The following BCAR3 variants were observed in gnomAD, a reference collection of about 807,000 sequenced individuals.
BCAR3 encodes breast cancer anti-estrogen resistance protein 3.
BCAR3 carries 37 observed loss-of-function variants against 80.1 expected under a neutral mutation model. The observed-to-expected ratio is 0.46, with a 90% CI of 0.36 to 0.61. The LOEUF is 0.61. Among genes scored for constraint, BCAR3 ranks in the 20% least tolerant of loss-of-function variants. The probability of loss-of-function intolerance (pLI) is 0.00; values close to 1 mark genes in which losing one functional copy is unlikely to be tolerated. For synonymous variants in BCAR3, 389 were observed against 418.9 expected (o/e 0.93, Z 0.87); for missense variants, 978 against 1,068.2 (o/e 0.92, Z 1.18).
At position 93,586,173 on chromosome 1, in the gene BCAR3, TC is replaced by T. The variant is rs896304866; in HGVS notation, c.930-2053del. ...CTAAATTTTTTGTACCCATTAACCA[TC>T]CCCACCTCCCTCCCATCCCCTACTC... On this transcript the variant is annotated intron_variant, in intron 5 of 11. Transcript: ENST00000260502. The surrounding 1 kb of genome is among the most constrained non-coding windows in gnomAD (Gnocchi z 4.2). Among the ~76,000 whole-genome samples, 1 of 152,078 alleles carries T rather than the reference TC, an allele frequency of 6.6e-6. No homozygotes were observed. The highest frequency in any genetic ancestry group is 1.5e-5 in the Non-Finnish European group (1 of 67,992).
At chr1:93,727,960 G>A (rs183773642) in intron 2 of BCAR3, among the ~76,000 whole-genome samples, 372 of 152,308 alleles carry the variant, frequency 2.4e-3, no homozygotes, top group African/African-American at 8.1e-3. Flanking sequence ...AACAGACACA[G>A]GGGAGAAAGC....
In BCAR3 at chr1:93,787,373, G is replaced by C. The variant is rs375249604; in HGVS notation, c.-63+58194C>G. Among the ~76,000 whole-genome samples, 40 of 152,244 alleles carry C rather than the reference G, an allele frequency of 2.6e-4. 3 individuals carry two copies. Among genetic ancestry groups the C allele is most frequent in the Admixed American group, 1.2e-3 (19 of 15,298 alleles). Reference sequence around the variant, plus strand: ...CTGGGTTTGGGTTTGGTTTGTTCTTGTTTCTCTAGTTCCTTAAGGTGTGAC... The same window carrying C: ...CTGGGTTTGGGTTTGGTTTGTTCTTCTTTCTCTAGTTCCTTAAGGTGTGAC... On this transcript the variant is annotated intron_variant, in intron 2 of 13. Coordinates refer to the BCAR3 transcript ENST00000370244.
chr1:93,809,773 GATAAAAAAA>G (rs1247399251), intron 2 of BCAR3, among the ~76,000 whole-genome samples: 5 of 46,982 alleles, frequency 1.1e-4, no homozygotes, highest in African/African-American at 4.0e-4. Context: ...GTCTCAAAAA[GATAAAAAAA>G]AAAAAAAAAA....
At chr1:93,654,972 G>A (rs1647302442) in intron 2 of BCAR3, among the ~76,000 whole-genome samples, 2 of 152,318 alleles carry the variant, frequency 1.3e-5, no homozygotes, top group East Asian at 3.9e-4. Flanking sequence ...ACCCTCCAAG[G>A]GTGAGGCTTT....
At chr1:93,652,842 T>C (rs373232223) in intron 2 of BCAR3, among the ~76,000 whole-genome samples, 54 of 152,366 alleles carry the variant, frequency 3.5e-4, no homozygotes, top group African/African-American at 1.3e-3. Flanking sequence ...TTTAAGCTTA[T>C]GAAGTTTTAA....
intron 3 of BCAR3, among the ~76,000 whole-genome samples, chr1:93,699,888 C>G (rs1649575421): frequency 1.3e-5 from 2 of 152,094 alleles, no homozygotes; most frequent in South Asian, 4.1e-4. Flanking sequence ...AGGTTGCCCG[C>G]CATTTGCCAG....
intron 2 of BCAR3, among the ~76,000 whole-genome samples, chr1:93,808,090 T>G: frequency 7.0e-6 from 1 of 142,988 alleles, no homozygotes; most frequent in African/African-American, 2.6e-5. Flanking sequence ...TTGCAGAGAG[T>G]CCCTCTCTGT....
chr1:93,589,450 GA>G, intron 4 of BCAR3, 31 bp from the exon 5 acceptor site: 1 of 1,569,670 alleles, frequency 6.4e-7, no homozygotes, highest in Non-Finnish European at 8.7e-7. Context: ...TGAGGAGTAG[GA>G]AAGGCAAATT....
At chr1:93,643,125 G>A (rs974743900) in intron 2 of BCAR3, among the ~76,000 whole-genome samples, 3 of 151,710 alleles carry the variant, frequency 2.0e-5, no homozygotes, top group East Asian at 1.9e-4. Context: ...TACTAGGGAC[G>A]GTGAGGCAGG....
rs185106401 is a variant in BCAR3, at chr1:93,593,654, C to T, written c.358-1261G>A. Among the ~76,000 whole-genome samples, 142 of 152,220 alleles carry T rather than the reference C, an allele frequency of 9.3e-4. 1 individual carries two copies. The highest frequency in any genetic ancestry group is 3.3e-3 in the African/African-American group (137 of 41,528). ...CCTCTCAAAGTGCTGGGATTACAGG[C>T]GTGAGCCACCATGCCCGGCCTATTA... On this transcript the variant is annotated intron_variant, in intron 3 of 11. Transcript: ENST00000260502.
In BCAR3 at chr1:93,669,587, A is replaced by C. The variant is rs865793192; in HGVS notation, c.317+5027T>G. 4.6e-5 allele frequency among the ~76,000 whole-genome samples: 7 copies of C among 152,326 alleles called. No homozygotes were observed. The South Asian group carries it at 8.3e-4, about 18-fold the overall frequency. On this transcript the variant is annotated intron_variant, in intron 2 of 11. Transcript: ENST00000260502. ...GCACAAGAGGCCGAAGGAATTAGGC[A>C]CTCACAGCTGTTCCCAGGAATGTGT...
intron 2 of BCAR3, among the ~76,000 whole-genome samples, chr1:93,719,678 A>G (rs187521001): frequency 2.6e-5 from 4 of 152,312 alleles, no homozygotes; most frequent in South Asian, 2.1e-4. Flanking sequence ...ATGCAGGCAC[A>G]TAATTAGTTT....
chr1:93,717,254 G>A lies in BCAR3; in HGVS notation c.-62-11112C>T, dbSNP rs76609494. On this transcript the variant is annotated intron_variant, in intron 2 of 13. Transcript: ENST00000370244. Reference sequence around the variant, plus strand: ...CTGCTACTTGATCACAGACACATGAGTGAACCCAGCCCAGCCCAGAAGGAG... The same window carrying A: ...CTGCTACTTGATCACAGACACATGAATGAACCCAGCCCAGCCCAGAAGGAG... Among the ~76,000 whole-genome samples the A allele has an allele frequency of 4.6e-5, 7 of 152,314 alleles. No homozygotes were observed. In the East Asian group the frequency reaches 1.4e-3, roughly 29 times the overall value.
intron 10 of BCAR3, 94 bp downstream of exon 10, chr1:93,567,646 C>T: frequency 1.4e-6 from 2 of 1,402,872 alleles, no homozygotes; most frequent in Non-Finnish European, 2.0e-6. Flanking sequence ...ATCCACAGTG[C>T]TGCAGATAAC....
At position 93,680,206 on chromosome 1, in the gene BCAR3, G is replaced by A. The variant is rs889391072; in HGVS notation, c.-12+1392C>T. Among the ~76,000 whole-genome samples the A allele has an allele frequency of 2.0e-5, 3 of 152,276 alleles. 1 individual carries two copies. Among genetic ancestry groups the A allele is most frequent in the Middle Eastern group, 6.8e-3 (2 of 294 alleles). On this transcript the variant is annotated intron_variant, in intron 1 of 11. Coordinates refer to ENST00000260502, the MANE Select transcript of BCAR3 (RefSeq NM_003567.4). ...AAGCAACACAGTACAGGATTTACCC[G>A]ATAAGGTTCTTAAGATTAGCATCCA...
chr1:93,592,041 C>T lies in BCAR3; in HGVS notation c.486+224G>A, dbSNP rs529355514. Among the ~76,000 whole-genome samples, 4 of 152,364 alleles carry T rather than the reference C, an allele frequency of 2.6e-5. No homozygotes were observed. Among genetic ancestry groups the T allele is most frequent in the South Asian group, 2.1e-4 (1 of 4,830 alleles). On this transcript the variant is annotated intron_variant, in intron 4 of 11. Coordinates refer to ENST00000260502, the MANE Select transcript of BCAR3 (RefSeq NM_003567.4). This position sits in a 1 kb window ranked among gnomAD's most constrained non-coding sequence, Gnocchi z 4.8. Reference sequence around the variant, plus strand: ...GCAGACCCCAGGAGCGCTGGCTGTCCCTTCACTTCCTGAACATGTGGATGT... The same window carrying T: ...GCAGACCCCAGGAGCGCTGGCTGTCTCTTCACTTCCTGAACATGTGGATGT...
At chr1:93,686,400 G>C (rs1172125331), upstream of BCAR3, among the ~76,000 whole-genome samples, 1 of 152,082 alleles carries the variant, frequency 6.6e-6, no homozygotes, top group Non-Finnish European at 1.5e-5. Context: ...GGGCAATACA[G>C]TGAGCCCCAT....
chr1:93,585,147 C>T lies in BCAR3; in HGVS notation c.930-1026G>A, dbSNP rs571008445. ...TGCGGCTGGACTCCAGGGGCCAGAA[C>T]GGCAGGGTGTGGAATGCAACCTGCC... On this transcript the variant is annotated intron_variant, in intron 5 of 11. Coordinates refer to ENST00000260502, the MANE Select transcript of BCAR3 (RefSeq NM_003567.4). The T allele has an allele frequency of 5.0e-5, 49 of 985,148 alleles. No homozygotes were observed. In the East Asian group the frequency reaches 2.4e-3, roughly 48 times the overall value. 61.0% of individuals were successfully genotyped at this position (985,148 alleles called of 1,614,324 possible). A position where few individuals can be genotyped will look rare whatever the true frequency, so the allele number is the denominator to read the frequency against.
chr1:93,790,619 T>TG (rs1457813427), intron 2 of BCAR3, among the ~76,000 whole-genome samples: 1 of 136,234 alleles, frequency 7.3e-6, no homozygotes, highest in African/African-American at 3.5e-5. Context: ...ATAGTCTTTT[T>TG]TTTTTTTTGT....
Sources: gnomAD v4.1 joint callset for allele counts (sites outside exome capture counted in the v4.1 genomes callset) on GRCh38, gnomAD v4.1.1 for gene constraint, Gnocchi (gnomAD v3.1) non-coding constraint, MANE v1.5 for transcripts, NCBI Gene and HGNC (gene_info 2026-07-23, HGNC 2026-07-21) for gene names.